The following RANBP2 variants were observed in gnomAD, a reference collection of about 807,000 sequenced individuals.
RANBP2 encodes the protein RAN binding protein 2.
Under a neutral mutation model 303.6 loss-of-function variants are expected in RANBP2, and 57 were observed. That is an observed-to-expected ratio of 0.19 (90% CI 0.15 to 0.23). The LOEUF (loss-of-function observed/expected upper bound fraction) is 0.23. Among genes scored for constraint, RANBP2 ranks in the 10% least tolerant of loss-of-function variants. The pLI is 1.00. For missense variants in RANBP2, 3,138 were observed against 3,780.8 expected, an observed-to-expected ratio of 0.83 and a Z score of 4.46; for synonymous variants, 1,167 against 1,301.5, an observed-to-expected ratio of 0.90 and a Z score of 2.23.
the RANBP2 span, among the ~76,000 whole-genome samples, chr2:109,403,113 C>T: frequency 1.3e-5 from 2 of 152,188 alleles, no homozygotes; most frequent in Admixed American, 1.3e-4. Flanking sequence ...AGAAAGGAAG[C>T]GTGCGTCTGT....
At chr2:109,450,245 C>G in the RANBP2 span, among the ~76,000 whole-genome samples, 1 of 151,960 alleles carries the variant, frequency 6.6e-6, no homozygotes, top group African/African-American at 2.4e-5. Context: ...ACCTAGGAGG[C>G]TGAGGCAGGA....
At chr2:109,244,406 G>A in the RANBP2 span, among the ~76,000 whole-genome samples, 1 of 152,178 alleles carries the variant, frequency 6.6e-6, no homozygotes, top group Non-Finnish European at 1.5e-5. Flanking sequence ...ACTATATTCA[G>A]TCTTTAGGCA....
the RANBP2 span, among the ~76,000 whole-genome samples, chr2:109,280,833 G>A: frequency 6.6e-6 from 1 of 152,300 alleles, no homozygotes; most frequent in Admixed American, 6.5e-5. Flanking sequence ...ACAGTGGTCG[G>A]CTGTTTTATG....
At chr2:109,024,281 A>T in the RANBP2 span, among the ~76,000 whole-genome samples, 1 of 152,220 alleles carries the variant, frequency 6.6e-6, no homozygotes, top group South Asian at 2.1e-4. Context: ...GATAAGCTAG[A>T]TGTTATCATG....
At chr2:108,867,315 A>G in the RANBP2 span, among the ~76,000 whole-genome samples, 6 of 152,220 alleles carry the variant, frequency 3.9e-5, no homozygotes, top group African/African-American at 1.4e-4. Context: ...CAGAGTGGGA[A>G]TTACTGGCAG....
At chr2:109,350,050 G>A in the RANBP2 span, among the ~76,000 whole-genome samples, 1 of 152,242 alleles carries the variant, frequency 6.6e-6, no homozygotes, top group South Asian at 2.1e-4. Context: ...AGCTGCATCG[G>A]ATCACCAGGG....
At chr2:109,407,398 T>C in the RANBP2 span, among the ~76,000 whole-genome samples, 1 of 152,206 alleles carries the variant, frequency 6.6e-6, no homozygotes, top group African/African-American at 2.4e-5. Context: ...TGGGCAACTT[T>C]AAAATGCATC....
the RANBP2 span, among the ~76,000 whole-genome samples, chr2:108,833,495 A>C: frequency 6.6e-6 from 1 of 152,238 alleles, no homozygotes; most frequent in Non-Finnish European, 1.5e-5. Flanking sequence ...ACCTCAAAGA[A>C]GACAATGCCA....
chr2:109,668,083 G>T, the RANBP2 span: 1 of 153,936 alleles, frequency 6.5e-6, no homozygotes. Context: ...TGAATAACAA[G>T]TCAGGGGGCG....
the RANBP2 span, chr2:108,897,149 C>T: frequency 1.9e-6 from 3 of 1,613,946 alleles, no homozygotes; most frequent in Admixed American, 1.7e-5. Flanking sequence ...TTCACAACAG[C>T]CTTCTCAGAG....
downstream of RANBP2, among the ~76,000 whole-genome samples, chr2:108,786,129 C>A (rs1455414602): frequency 4.9e-4 from 70 of 143,980 alleles, no homozygotes; most frequent in Admixed American, 1.3e-3. Context: ...TTTTTCTTTT[C>A]AAAAAAAAAA....
the RANBP2 span, chr2:109,347,656 G>T: frequency 3.2e-5 from 51 of 1,611,038 alleles, no homozygotes; most frequent in Non-Finnish European, 4.2e-5. Context: ...GTGACCACAT[G>T]CTGTCTGTTG....
intron 1 of RANBP2, among the ~76,000 whole-genome samples, chr2:108,725,604 A>G (rs1400822693): frequency 6.6e-6 from 1 of 152,134 alleles, no homozygotes; most frequent in African/African-American, 2.4e-5. Flanking sequence ...TACTAAAAAT[A>G]CAAAAATTAG....
At chr2:109,242,653 T>C in the RANBP2 span, among the ~76,000 whole-genome samples, 106 of 152,260 alleles carry the variant, frequency 7.0e-4, no homozygotes, top group African/African-American at 2.1e-3. Context: ...AAAACTCCAG[T>C]AAAATTAATC....
At chr2:109,585,302 T>C in the RANBP2 span, 1 of 1,602,818 alleles carries the variant, frequency 6.2e-7, no homozygotes, top group African/African-American at 1.3e-5. Flanking sequence ...TCAGTGTTGA[T>C]TTTCCAATTC....
At chr2:109,748,733 C>T in the RANBP2 span, among the ~76,000 whole-genome samples, 4 of 151,308 alleles carry the variant, frequency 2.6e-5, no homozygotes, top group African/African-American at 7.3e-5. Flanking sequence ...ATTAGCTGGG[C>T]GTGGTGGCAT....
chr2:108,936,401 T>C, the RANBP2 span, among the ~76,000 whole-genome samples: 47 of 152,274 alleles, frequency 3.1e-4, no homozygotes, highest in African/African-American at 1.1e-3. Context: ...CTCAGCTCCA[T>C]GGGCACAAGC....
At chr2:109,597,156 G>C in the RANBP2 span, among the ~76,000 whole-genome samples, 2 of 152,062 alleles carry the variant, frequency 1.3e-5, no homozygotes, top group Admixed American at 1.3e-4. Context: ...GCCCAGGCTG[G>C]TCTCGAACTC....
downstream of RANBP2, among the ~76,000 whole-genome samples, chr2:108,789,829 C>T (rs1438045014): frequency 6.6e-6 from 1 of 152,046 alleles, no homozygotes; most frequent in Non-Finnish European, 1.5e-5. Flanking sequence ...AATATAAAAA[C>T]AGTGGAAGCT....
Sources: gnomAD v4.1 joint callset for allele counts (sites outside exome capture counted in the v4.1 genomes callset) on GRCh38, gnomAD v4.1.1 for gene constraint, MANE v1.5 for transcripts, NCBI Gene and HGNC (gene_info 2026-07-23, HGNC 2026-07-21) for gene names.